Variants in RAP2A observed in about 807,000 individuals in gnomAD.
The protein encoded by RAP2A is RAP2A, member of RAS oncogene family.
RAP2A carries 5 observed loss-of-function variants against 15.1 expected under a neutral mutation model. The observed-to-expected ratio is 0.33, with a 90% CI of 0.17 to 0.70. The LOEUF (loss-of-function observed/expected upper bound fraction) is 0.70, where lower values mean the gene tolerates loss of function less well. Ranked by LOEUF, RAP2A falls within the 30% of genes least tolerant of loss-of-function variation. RAP2A has a pLI of 0.68. For missense variants in RAP2A, 111 were observed against 240.3 expected (o/e 0.46, Z 3.56); for synonymous variants, 110 against 99.7 (o/e 1.10, Z -0.62).
chr13:97,449,421 T>G (rs1212995881), intron 1 of RAP2A, among the ~76,000 whole-genome samples: 3 of 152,078 alleles, frequency 2.0e-5, no homozygotes, highest in Non-Finnish European at 4.4e-5. Flanking sequence ...TGGGACAGAT[T>G]TCCTCACATC....
chr13:97,460,022 T>C lies in RAP2A; in HGVS notation c.315-4183T>C, dbSNP rs548578508. 2.0e-5 allele frequency among the ~76,000 whole-genome samples: 3 copies of C among 152,360 alleles called. No individual in the cohort carries two copies. The South Asian group carries it at 6.2e-4, about 32-fold the overall frequency. ...GCAGTTTTCAGTATAGCCTTCAGTATTCACGTAGTTAAAACCATCCCAAAT... is the reference window on the plus strand; with the variant it reads ...GCAGTTTTCAGTATAGCCTTCAGTACTCACGTAGTTAAAACCATCCCAAAT... On this transcript the variant is annotated intron_variant, in intron 1 of 1. Transcript: ENST00000245304.
At chr13:97,455,181 C>T (rs1450755726) in intron 1 of RAP2A, among the ~76,000 whole-genome samples, 1 of 151,388 alleles carries the variant, frequency 6.6e-6, no homozygotes, top group South Asian at 2.1e-4. Context: ...AATCTTTTGT[C>T]ATGTACAGTC....
At chr13:97,452,221 T>A (rs1035154895) in intron 1 of RAP2A, among the ~76,000 whole-genome samples, 1 of 151,328 alleles carries the variant, frequency 6.6e-6, no homozygotes, top group Non-Finnish European at 1.5e-5. Flanking sequence ...GTTCTGAGGA[T>A]CCATTCTGCA....
intron 1 of RAP2A, among the ~76,000 whole-genome samples, chr13:97,459,991 C>A (rs1482172490): frequency 6.6e-6 from 1 of 152,206 alleles, no homozygotes; most frequent in East Asian, 1.9e-4. Flanking sequence ...ATTTATGCCA[C>A]ATCAGGCAGT....
chr13:97,434,740 C>T lies in RAP2A; in HGVS notation c.270C>T (p.Phe90=), dbSNP rs151019077. Residue 90 remains phenylalanine, a synonymous_variant, in exon 1 of 2, where the codon TTC becomes TTT. Transcript: ENST00000245304. ...LVYSLVNQQS[F]QDIKPMRDQI... ...ACAGCCTCGTCAACCAGCAGAGCTT[C>T]CAGGACATCAAGCCCATGCGGGACC... The T allele has an allele frequency of 1.6e-4, 257 of 1,614,178 alleles. 3 individuals are homozygous for T. The East Asian group carries it at 5.7e-3, about 36-fold the overall frequency.
In RAP2A at chr13:97,465,984, C is replaced by A. The variant is rs78289842; in HGVS notation, c.*1542C>A. The A allele has an allele frequency of 6.6e-6, 1 of 152,034 alleles. No individual in the cohort carries two copies. The highest frequency in any genetic ancestry group is 2.4e-5 in the African/African-American group (1 of 41,372). The allele number at this position is 152,034 out of a possible 1,614,324, so 9.4% of individuals were successfully genotyped here. The stretch of plus-strand genomic sequence containing the variant: ...CTTGTGCAAGTAACCTCTGGTCTTA[C>A]GTGTGTAACTGAGAGAAGAGTGTGT... On this transcript the variant is annotated 3_prime_UTR_variant, in exon 2 of 2. Coordinates refer to ENST00000245304, the MANE Select transcript of RAP2A (RefSeq NM_021033.7).
chr13:97,456,603 A>G (rs2066724115), intron 1 of RAP2A, among the ~76,000 whole-genome samples: 2 of 152,194 alleles, frequency 1.3e-5, no homozygotes, highest in Admixed American at 1.3e-4. Flanking sequence ...TAATCAAAGC[A>G]TTAGAAATCT....
intron 1 of RAP2A, among the ~76,000 whole-genome samples, 161 bp from the exon 2 acceptor site, chr13:97,464,044 G>C (rs2066759376): frequency 6.6e-6 from 1 of 152,106 alleles, no homozygotes; most frequent in Non-Finnish European, 1.5e-5. Context: ...AGCTTCAAAT[G>C]CCCTCAGATC....
intron 1 of RAP2A, among the ~76,000 whole-genome samples, chr13:97,455,861 G>A (rs2066720690): frequency 6.6e-6 from 1 of 151,332 alleles, no homozygotes; most frequent in Admixed American, 6.6e-5. Context: ...CCCATTTTTG[G>A]TCTGGCCAGA....
At position 97,467,872 on chromosome 13, in the gene RAP2A, A is replaced by G. The variant is rs1316746342; in HGVS notation, c.*3430A>G. 6.6e-6 allele frequency: 1 copy of G among 152,620 alleles called. No homozygotes were observed. The highest frequency in any genetic ancestry group is 2.4e-5 in the African/African-American group (1 of 41,452). 9.5% of individuals were successfully genotyped at this position (152,620 alleles called of 1,614,324 possible). On this transcript the variant is annotated 3_prime_UTR_variant, in exon 2 of 2. Transcript: ENST00000245304. ...TGAACAAGTTTATTGTTTTGTAACA[A>G]TGTCAGTTGTTAAACCTTGACATTT...
chr13:97,461,583 AATTTG>A (rs936820143), intron 1 of RAP2A, among the ~76,000 whole-genome samples: 7 of 152,224 alleles, frequency 4.6e-5, no homozygotes, highest in East Asian at 1.9e-4. Context: ...ACAACTTAAT[AATTTG>A]ATTTATTTGC....
At chr13:97,450,617 A>C (rs2066698061) in intron 1 of RAP2A, among the ~76,000 whole-genome samples, 1 of 152,020 alleles carries the variant, frequency 6.6e-6, no homozygotes, top group South Asian at 2.1e-4. Context: ...ATCAATGACC[A>C]CTTTCGTCCA....
At chr13:97,453,593 T>C (rs762639833) in intron 1 of RAP2A, among the ~76,000 whole-genome samples, 16 of 151,342 alleles carry the variant, frequency 1.1e-4, no homozygotes, top group Non-Finnish European at 1.9e-4. Context: ...GTATCTGATA[T>C]AGATTTACTG....
At chr13:97,443,426 T>A (rs1393662185) in intron 1 of RAP2A, among the ~76,000 whole-genome samples, 3 of 152,210 alleles carry the variant, frequency 2.0e-5, no homozygotes, top group Non-Finnish European at 4.4e-5. Context: ...CTTGTTCTGT[T>A]GCCCAGGCTG....
chr13:97,434,710 C>G lies in RAP2A; in HGVS notation c.240C>G (p.Leu80=). The G allele has an allele frequency of 6.2e-7, 1 of 1,614,162 alleles. No homozygotes were observed. The highest frequency in any genetic ancestry group is 8.5e-7 in the Non-Finnish European group (1 of 1,180,018). The stretch of plus-strand genomic sequence containing the variant: ...TCAAGAACGGCCAGGGCTTCATCCT[C>G]GTCTACAGCCTCGTCAACCAGCAGA... The part of the protein sequence containing the change: ...LYIKNGQGFI[L]VYSLVNQQSF... The change falls in exon 1 of 2, where the codon CTC becomes CTG. Residue 80 remains leucine, a synonymous_variant. Transcript: ENST00000245304.
At position 97,467,270 on chromosome 13, in the gene RAP2A, T is replaced by C. The variant is rs12873919; in HGVS notation, c.*2828T>C. On this transcript the variant is annotated 3_prime_UTR_variant, in exon 2 of 2. Coordinates refer to ENST00000245304, the MANE Select transcript of RAP2A (RefSeq NM_021033.7). ...GATGCCTTTCATTTTGTTCAACTTA[T>C]ACAAAACAAGCCAGCATCTGATCAA... 49,000 of 152,506 alleles carry C rather than the reference T, an allele frequency of 0.32. 9,115 individuals carry two copies. Among genetic ancestry groups the C allele is most frequent in the Non-Finnish European group, 0.42 (28,877 of 67,964 alleles). The allele number at this position is 152,506 out of a possible 1,614,324, so 9.4% of individuals were successfully genotyped here.
chr13:97,449,084 G>A (rs1353887832), intron 1 of RAP2A, among the ~76,000 whole-genome samples: 2 of 151,856 alleles, frequency 1.3e-5, no homozygotes, highest in Admixed American at 6.6e-5. Context: ...CAAAGTGACC[G>A]CATTCCACAC....
intron 1 of RAP2A, among the ~76,000 whole-genome samples, chr13:97,459,450 G>C (rs1418315766): frequency 6.6e-6 from 1 of 152,164 alleles, no homozygotes; most frequent in Non-Finnish European, 1.5e-5. Flanking sequence ...TGTTTTCTGA[G>C]GCCACTTTTG....
chr13:97,443,220 C>T (rs1463988034), intron 1 of RAP2A, among the ~76,000 whole-genome samples: 1 of 152,132 alleles, frequency 6.6e-6, no homozygotes, highest in African/African-American at 2.4e-5. Context: ...AGTAAAGTTA[C>T]CCAAGAGAAA....
Sources: gnomAD v4.1 joint callset for allele counts (sites outside exome capture counted in the v4.1 genomes callset) on GRCh38, gnomAD v4.1.1 for gene constraint, MANE v1.5 for transcripts, NCBI Gene and HGNC (gene_info 2026-07-23, HGNC 2026-07-21) for gene names.